DTNA: variants seen among roughly 807,000 people sequenced by gnomAD.
DTNA encodes dystrobrevin alpha.
In DTNA, 43 loss-of-function variants were observed where a neutral mutation model predicts 100.7. That is an observed-to-expected ratio of 0.43 (90% CI 0.33 to 0.55). The LOEUF is 0.55. DTNA is among the 20% of genes least tolerant of loss of function. DTNA has a pLI of 0.04. For synonymous variants in DTNA, 349 were observed against 347.9 expected (o/e 1.00, Z -0.04); for missense variants, 798 against 953.9 (o/e 0.84, Z 2.15).
At chr18:34,714,180 T>G (rs1342102601) in intron 1 of DTNA, among the ~76,000 whole-genome samples, 11 of 151,960 alleles carry the variant, frequency 7.2e-5, no homozygotes, top group Non-Finnish European at 2.9e-5. Flanking sequence ...GGGCAAGGAC[T>G]TCATGTCTAA....
intron 3 of DTNA, among the ~76,000 whole-genome samples, chr18:34,775,257 C>G (rs576711777): frequency 6.6e-6 from 1 of 152,110 alleles, no homozygotes; most frequent in East Asian, 1.9e-4. Context: ...GAGGCCGAGG[C>G]GGGCGGATCA....
At chr18:34,540,757 A>G (rs1601641661) in intron 1 of DTNA, among the ~76,000 whole-genome samples, 1 of 152,054 alleles carries the variant, frequency 6.6e-6, no homozygotes, top group Non-Finnish European at 1.5e-5. Context: ...TATCCAGAAT[A>G]AAAAATAGAC....
intron 1 of DTNA, among the ~76,000 whole-genome samples, chr18:34,569,557 C>A (rs9960280): frequency 0.1 from 15,442 of 152,094 alleles, 1,152 homozygotes; most frequent in African/African-American, 0.2. Flanking sequence ...ATGCATACTG[C>A]ATTAGTCAGG....
Position 34,889,355 on chromosome 18 carries a change from G to A in DTNA, c.*1621G>A. The A allele has an allele frequency of 1.0e-6, 1 of 983,110 alleles. No homozygotes were observed. Among genetic ancestry groups the A allele is most frequent in the African/African-American group, 1.7e-5 (1 of 57,284 alleles). The allele number at this position is 983,110 out of a possible 1,614,324, so 60.9% of individuals were successfully genotyped here. A position where few individuals can be genotyped will look rare whatever the true frequency, so the allele number is the denominator to read the frequency against. On this transcript the variant is annotated 3_prime_UTR_variant, in exon 23 of 23. Transcript: ENST00000444659. ...CTGAATCAGAAGCTCTGGGGGTTGG[G>A]TCCAGAAGTCTGTTTTAGTCAACCC... is the stretch of plus-strand genomic sequence containing the variant.
rs754393663 is a variant in DTNA at position 34,890,284 on chromosome 18, C to A, written c.*2550C>A. ...GACCAATTTCTGACTAACCAGCCAC[C>A]TTTTCTCTCTCTTAGCTCCACGTCA... is the stretch of plus-strand genomic sequence containing the variant. On this transcript the variant is annotated 3_prime_UTR_variant, in exon 23 of 23. Coordinates refer to ENST00000444659, the MANE Select transcript of DTNA (RefSeq NM_001386795.1). The A allele has an allele frequency of 3.3e-6, 5 of 1,530,596 alleles. No individual in the cohort carries two copies. Among genetic ancestry groups the A allele is most frequent in the African/African-American group, 2.7e-5 (2 of 72,778 alleles). The allele number at this position is 1,530,596 out of a possible 1,614,324, so 94.8% of individuals were successfully genotyped here.
At chr18:34,556,526 G>A (rs144786972) in intron 1 of DTNA, among the ~76,000 whole-genome samples, 13,890 of 151,948 alleles carry the variant, frequency 0.091, 638 homozygotes, top group South Asian at 0.11. Context: ...TCCTTTCCAT[G>A]TTTAGTGCTT....
chr18:34,577,669 G>A (rs1430856251), intron 1 of DTNA, among the ~76,000 whole-genome samples: 2 of 152,144 alleles, frequency 1.3e-5, no homozygotes, highest in Admixed American at 1.3e-4. Context: ...TCTTACTTAT[G>A]AGTGAGAACA....
At chr18:34,714,733 T>C (rs1020646680) in intron 1 of DTNA, among the ~76,000 whole-genome samples, 4 of 152,152 alleles carry the variant, frequency 2.6e-5, no homozygotes, top group African/African-American at 9.7e-5. Flanking sequence ...CCATAAATCA[T>C]GCTGCTATAA....
intron 1 of DTNA, among the ~76,000 whole-genome samples, chr18:34,676,322 G>T (rs2077392431): frequency 6.6e-6 from 1 of 152,134 alleles, no homozygotes. Context: ...CTAAAATGCA[G>T]CACCCAAAAT....
Position 34,889,136 on chromosome 18 carries a change from T to A in DTNA, c.*1402T>A, listed in dbSNP as rs902334053. 5.1e-5 allele frequency: 50 copies of A among 985,278 alleles called. No individual in the cohort carries two copies. The South Asian group carries it at 9.4e-4, about 19-fold the overall frequency. 61.0% of individuals were successfully genotyped at this position (985,278 alleles called of 1,614,324 possible). On this transcript the variant is annotated 3_prime_UTR_variant, in exon 23 of 23. Transcript: ENST00000444659. ...TACTTGCTTCAAGATTTGATTTTTT[T>A]AAAAAAGCCTGCGACCTATTCAATA...
At chr18:34,615,631 G>A (rs536905010) in intron 1 of DTNA, among the ~76,000 whole-genome samples, 55 of 152,156 alleles carry the variant, frequency 3.6e-4, no homozygotes, top group Admixed American at 1.4e-3. Context: ...TGCATGTCAC[G>A]GGGGTTTGTT....
chr18:34,625,386 T>A (rs1424398474), intron 1 of DTNA, among the ~76,000 whole-genome samples: 2 of 152,192 alleles, frequency 1.3e-5, no homozygotes, highest in African/African-American at 4.8e-5. Flanking sequence ...TTGCCCAGGC[T>A]GGTCTGGAAC....
chr18:34,700,854 A>G (rs565362588), intron 1 of DTNA, among the ~76,000 whole-genome samples: 1 of 152,324 alleles, frequency 6.6e-6, no homozygotes, highest in South Asian at 2.1e-4. Flanking sequence ...CATTGAAAAC[A>G]TAAAAGCCAT....
chr18:34,767,091 T>C, intron 3 of DTNA, among the ~76,000 whole-genome samples: 1 of 152,174 alleles, frequency 6.6e-6, no homozygotes, highest in East Asian at 1.9e-4. Context: ...TTTTAAAAAG[T>C]TTACTTATTA....
At chr18:34,866,742 C>T in intron 17 of DTNA, 1 of 989,736 alleles carries the variant, frequency 1.0e-6, no homozygotes, top group East Asian at 1.1e-4. Context: ...ATTCACGTCC[C>T]ATCTTTTTGG....
intron 17 of DTNA, among the ~76,000 whole-genome samples, chr18:34,874,187 G>A (rs143149803): frequency 2.0e-5 from 3 of 152,154 alleles, no homozygotes; most frequent in African/African-American, 7.2e-5. Flanking sequence ...CATTGCTCTG[G>A]TGGTATACAT....
chr18:34,787,187 T>C (rs1436376609), intron 3 of DTNA, among the ~76,000 whole-genome samples: 1 of 152,138 alleles, frequency 6.6e-6, no homozygotes, highest in Non-Finnish European at 1.5e-5. Context: ...CCATAATGAC[T>C]AAAGCTAAGT....
chr18:34,503,476 A>G (rs1189739598), intron 1 of DTNA, among the ~76,000 whole-genome samples: 2 of 151,306 alleles, frequency 1.3e-5, no homozygotes, highest in African/African-American at 4.9e-5. Flanking sequence ...TTTAGTAGAG[A>G]CAGGGTTCCA....
At chr18:34,871,876 G>T (rs924545366) in intron 17 of DTNA, among the ~76,000 whole-genome samples, 1 of 152,216 alleles carries the variant, frequency 6.6e-6, no homozygotes, top group African/African-American at 2.4e-5. Flanking sequence ...GTAAAGGCTG[G>T]ATGTGACATG....
Sources: gnomAD v4.1 joint callset for allele counts (sites outside exome capture counted in the v4.1 genomes callset) on GRCh38, gnomAD v4.1.1 for gene constraint, MANE v1.5 for transcripts, NCBI Gene and HGNC (gene_info 2026-07-23, HGNC 2026-07-21) for gene names.